Variants in ABCC2 observed in about 807,000 individuals in gnomAD.
ABCC2 encodes ATP binding cassette subfamily C member 2.
In ABCC2, 157 loss-of-function variants were observed where a neutral mutation model predicts 173.4. That is an observed-to-expected ratio of 0.91 (90% CI 0.80 to 1.03). The LOEUF is 1.03. Ranked by LOEUF, ABCC2 falls within the 50% of genes least tolerant of loss-of-function variation. ABCC2 has a pLI of 0.00. For missense variants in ABCC2, 1,822 were observed against 1,852.3 expected, an observed-to-expected ratio of 0.98 and a Z score of 0.30; for synonymous variants, 657 against 693.5, an observed-to-expected ratio of 0.95 and a Z score of 0.83.
At chr10:99,825,178 AC>A (rs1447374373) in intron 19 of ABCC2, among the ~76,000 whole-genome samples, 2 of 150,052 alleles carry the variant, frequency 1.3e-5, no homozygotes, top group Non-Finnish European at 3.0e-5. Context: ...TGATTTCCGC[AC>A]CCCATTGTTG....
chr10:99,839,076 G>A (rs1267995558), intron 25 of ABCC2, among the ~76,000 whole-genome samples: 4 of 123,894 alleles, frequency 3.2e-5, no homozygotes, highest in Admixed American at 7.8e-5. Context: ...GCGGCTGGCC[G>A]GGCAGGGGGG....
chr10:99,784,193 C>G (rs2037666626), intron 1 of ABCC2, among the ~76,000 whole-genome samples: 1 of 151,992 alleles, frequency 6.6e-6, no homozygotes, highest in Non-Finnish European at 1.5e-5. Context: ...CCCTGCATGG[C>G]GCCTGCATGT....
chr10:99,804,022 T>C lies in ABCC2; in HGVS notation c.1213T>C (p.Leu405=). The change falls in exon 10 of 32, where the codon TTG becomes CTG. Residue 405 remains leucine (L), a synonymous_variant. Transcript: ENST00000647814. ...TAATTTCAATCCTTATCTTTAGGCA[T>C]TGACCCTATCCAACTTGGCCAGGAA... The part of the protein sequence containing the change: ...AIMASVYKKA[L]TLSNLARKEY... 2 of 1,614,176 alleles carry C rather than the reference T, an allele frequency of 1.2e-6. No individual in the cohort carries two copies. The highest frequency in any genetic ancestry group is 1.7e-6 in the Non-Finnish European group (2 of 1,180,016).
rs369203458 is a variant in ABCC2 at position 99,793,942 on chromosome 10, A to G, written c.519A>G (p.Gly173=). 1 of 1,613,942 alleles carries G rather than the reference A, an allele frequency of 6.2e-7. No individual in the cohort carries two copies. Among genetic ancestry groups the G allele is most frequent in the African/African-American group, 1.3e-5 (1 of 75,018 alleles). ...AYSCLFFISY[G]FQILILIFSA... is the part of the protein sequence containing the mutation. ...CCTGCCTGTTCTTCATCTCCTACGG[A>G]TTCCAGATCCTGATCCTGATCTTTT... Residue 173 remains glycine (G), a synonymous_variant, in exon 5 of 32, where the codon GGA becomes GGG. Coordinates refer to ENST00000647814, the MANE Select transcript of ABCC2 (RefSeq NM_000392.5).
In ABCC2 at chr10:99,792,302, A is replaced by T. The variant is rs1360646527; in HGVS notation, c.276A>T (p.Gly92=). The T allele has an allele frequency of 3.7e-6, 6 of 1,614,114 alleles. No individual in the cohort carries two copies. Among genetic ancestry groups the T allele is most frequent in the African/African-American group, 1.3e-5 (1 of 75,052 alleles). Reference sequence around the variant, plus strand: ...CCCTTGTACTCACAGAAGACTCTGGACAAGCCACAGTCCCTGCTGTTCGAT... The same window carrying T: ...CCCTTGTACTCACAGAAGACTCTGGTCAAGCCACAGTCCCTGCTGTTCGAT... ...ELALVLTEDS[G]QATVPAVRYT... The change falls in exon 3 of 32, where the codon GGA becomes GGT. Residue 92 remains glycine, a synonymous_variant. Transcript: ENST00000647814.
At chr10:99,833,687 T>C (rs1183693902) in intron 23 of ABCC2, among the ~76,000 whole-genome samples, 2 of 152,228 alleles carry the variant, frequency 1.3e-5, no homozygotes, top group African/African-American at 4.8e-5. Flanking sequence ...TCAGGAGTCA[T>C]CCATGATTCA....
intron 19 of ABCC2, 128 bp downstream of exon 19, chr10:99,819,397 C>A: frequency 2.1e-6 from 2 of 938,850 alleles, no homozygotes; most frequent in Non-Finnish European, 3.3e-6. Context: ...GAGATTCAAA[C>A]TCTGCTTTCT....
intron 13 of ABCC2, among the ~76,000 whole-genome samples, chr10:99,809,139 G>A (rs1163351628): frequency 6.6e-6 from 1 of 152,120 alleles, no homozygotes; most frequent in Non-Finnish European, 1.5e-5. Flanking sequence ...TATCACCTGA[G>A]GTTAGGAGTT....
intron 30 of ABCC2, among the ~76,000 whole-genome samples, chr10:99,849,905 G>A (rs72838150): frequency 0.055 from 8,356 of 152,284 alleles, 254 homozygotes; most frequent in Middle Eastern, 0.18. Flanking sequence ...CTTTATGTTA[G>A]GTAAGAGGTC....
intron 1 of ABCC2, among the ~76,000 whole-genome samples, chr10:99,783,170 G>A (rs902634287): frequency 7.2e-5 from 11 of 152,142 alleles, no homozygotes; most frequent in South Asian, 4.1e-4. Context: ...AATTTAATCC[G>A]TGTGAGGAAG....
intron 28 of ABCC2, among the ~76,000 whole-genome samples, chr10:99,844,849 TCTC>T (rs1486199264): frequency 6.6e-6 from 1 of 151,982 alleles, no homozygotes; most frequent in Non-Finnish European, 1.5e-5. Context: ...ATGGCCCAGT[TCTC>T]CTCCCAGTCT....
chr10:99,785,064 G>A (rs2037682534), intron 2 of ABCC2, among the ~76,000 whole-genome samples: 1 of 152,172 alleles, frequency 6.6e-6, no homozygotes, highest in Non-Finnish European at 1.5e-5. Context: ...TATAGCATTT[G>A]AGAAATGAAC....
At chr10:99,794,048 T>A (rs369512342) in intron 5 of ABCC2, 49 bp downstream of exon 5, 1 of 1,505,408 alleles carries the variant, frequency 6.6e-7, no homozygotes, top group African/African-American at 1.4e-5. Flanking sequence ...TTGGATGATA[T>A]CTTAATGAAT....
chr10:99,832,844 A>G (rs574601197), intron 23 of ABCC2, among the ~76,000 whole-genome samples: 200 of 152,338 alleles, frequency 1.3e-3, no homozygotes, highest in Non-Finnish European at 1.5e-3. Flanking sequence ...AGCACTTTCT[A>G]TGAGCCAACT....
At chr10:99,834,022 C>T (rs191961291) in intron 23 of ABCC2, among the ~76,000 whole-genome samples, 11 of 152,274 alleles carry the variant, frequency 7.2e-5, no homozygotes, top group Non-Finnish European at 4.4e-5. Flanking sequence ...CCCCTTGGTC[C>T]TCTATGCTTA....
At chr10:99,817,962 G>A (rs908426695) in intron 17 of ABCC2, among the ~76,000 whole-genome samples, 18 of 152,156 alleles carry the variant, frequency 1.2e-4, no homozygotes, top group Admixed American at 9.2e-4. Context: ...AGTGGCTCAC[G>A]CCTATAATCC....
intron 11 of ABCC2, 81 bp downstream of exon 11, chr10:99,805,528 G>A: frequency 1.4e-6 from 2 of 1,389,012 alleles, no homozygotes. Context: ...CCCTGGTAGA[G>A]GTGATGGATT....
chr10:99,836,263 G>T lies in ABCC2; in HGVS notation c.3587G>T (p.Cys1196Phe), dbSNP rs1416712581. The change falls in exon 25 of 32, where the codon TGT becomes TTT. Residue 1196 changes from cysteine to phenylalanine, a missense_variant. Coordinates refer to ENST00000647814, the MANE Select transcript of ABCC2 (RefSeq NM_000392.5). The stretch of plus-strand genomic sequence containing the variant: ...GTGAGGATTGACACCAACCAGAAAT[G>T]TGTCTTTTCCTGGATCACCTCCAAC... ...NEVRIDTNQK[C>F]VFSWITSNRW... is the part of the protein sequence containing the mutation. 1.2e-6 allele frequency: 2 copies of T among 1,614,064 alleles called. No homozygotes were observed. Among genetic ancestry groups the T allele is most frequent in the Non-Finnish European group, 1.7e-6 (2 of 1,180,038 alleles).
At chr10:99,812,857 T>G (rs1315480867) in intron 15 of ABCC2, among the ~76,000 whole-genome samples, 161 bp from the exon 16 acceptor site, 1 of 152,232 alleles carries the variant, frequency 6.6e-6, no homozygotes, top group Non-Finnish European at 1.5e-5. Flanking sequence ...AGAAAAAGTA[T>G]TAAAGAAGCA....
Sources: allele counts gnomAD v4.1 joint callset (sites outside exome capture counted in the v4.1 genomes callset), GRCh38; gene constraint gnomAD v4.1.1; transcripts MANE v1.5; gene names NCBI Gene and HGNC (gene_info 2026-07-23, HGNC 2026-07-21).